The following TMEM242 variants were observed in gnomAD, a reference collection of about 807,000 sequenced individuals.
TMEM242 encodes UPF0463 transmembrane protein C6orf35.
Under a neutral mutation model 18.2 loss-of-function variants are expected in TMEM242, and 10 were observed. That is an observed-to-expected ratio of 0.55 (90% CI 0.34 to 0.93). TMEM242 has a LOEUF of 0.93. Ranked by LOEUF, TMEM242 falls within the 40% of genes least tolerant of loss-of-function variation. TMEM242 has a pLI of 0.02. For synonymous variants in TMEM242, 57 were observed against 69.9 expected (o/e 0.81, Z 0.92); for missense variants, 186 against 175.5 (o/e 1.06, Z -0.34).
chr6:157,296,670 G>A (rs1295170942), intron 3 of TMEM242, among the ~76,000 whole-genome samples: 1 of 152,174 alleles, frequency 6.6e-6, no homozygotes, highest in African/African-American at 2.4e-5. Flanking sequence ...GCCACAGAGT[G>A]AGACTCCATC....
chr6:157,292,800 C>A lies in TMEM242; in HGVS notation c.*101G>T, dbSNP rs1777701090. On this transcript the variant is annotated 3_prime_UTR_variant, in exon 4 of 4. Transcript: ENST00000400788. ...GCACTGGTTCAGTCAGCAATCTGCC[C>A]ATGTTCCTGGGAGAAATCAGTCCCA... 4 of 919,756 alleles carry A rather than the reference C, an allele frequency of 4.3e-6. No individual in the cohort carries two copies. The highest frequency in any genetic ancestry group is 5.2e-6 in the Non-Finnish European group (3 of 575,592). 57.0% of individuals were successfully genotyped at this position (919,756 alleles called of 1,614,324 possible).
At chr6:157,322,645 A>T in intron 2 of TMEM242, 60 bp downstream of exon 2, 1 of 1,437,888 alleles carries the variant, frequency 7.0e-7, no homozygotes, top group South Asian at 1.3e-5. Flanking sequence ...TTTTCTACGC[A>T]AAAGCTGCCA....
At chr6:157,306,095 G>A (rs1777914512) in intron 3 of TMEM242, among the ~76,000 whole-genome samples, 1 of 152,218 alleles carries the variant, frequency 6.6e-6, no homozygotes, top group African/African-American at 2.4e-5. Flanking sequence ...TGAGGATAAC[G>A]ATGGGAGCAA....
chr6:157,322,895 T>A, intron 1 of TMEM242, 90 bp from the exon 2 acceptor site: 1 of 1,056,360 alleles, frequency 9.5e-7, no homozygotes, highest in Non-Finnish European at 1.4e-6. Context: ...TTTAAGATAC[T>A]ATTCGAGTTA....
chr6:157,320,138 A>G (rs1554250629), intron 2 of TMEM242, among the ~76,000 whole-genome samples: 1 of 152,162 alleles, frequency 6.6e-6, no homozygotes, highest in Non-Finnish European at 1.5e-5. Flanking sequence ...TCTACAAACA[A>G]TTTTACCTCT....
Position 157,291,626 on chromosome 6 carries a change from A to T in TMEM242, c.*1275T>A, listed in dbSNP as rs1230172521. The T allele has an allele frequency of 6.6e-6, 1 of 152,244 alleles. No individual in the cohort carries two copies. The highest frequency in any genetic ancestry group is 1.5e-5 in the Non-Finnish European group (1 of 68,050). 9.4% of individuals were successfully genotyped at this position (152,244 alleles called of 1,614,324 possible). A position where few individuals can be genotyped will look rare whatever the true frequency, so the allele number is the denominator to read the frequency against. On this transcript the variant is annotated 3_prime_UTR_variant, in exon 4 of 4. Transcript: ENST00000400788. ...CAGTCTTGGATTTTTAACAGATTAC[A>T]TATGAATTCCAGATGCTGATTACAC...
chr6:157,317,639 A>T (rs1165259587), intron 3 of TMEM242, among the ~76,000 whole-genome samples: 3 of 152,136 alleles, frequency 2.0e-5, no homozygotes, highest in African/African-American at 7.2e-5. Flanking sequence ...CTCAACTTCT[A>T]TATCTAACTG....
chr6:157,305,750 A>C lies in TMEM242; in HGVS notation c.328-12751T>G, dbSNP rs1379869526. On this transcript the variant is annotated intron_variant, in intron 3 of 3. Transcript: ENST00000400788. This position sits in a 1 kb window ranked among gnomAD's most constrained non-coding sequence, Gnocchi z 4.1. ...CAGAAGCCACAGTGTTTCAGGATGGAGGGGGGGCTCCATTGTGCCCAAATG... is the reference window on the plus strand; with the variant it reads ...CAGAAGCCACAGTGTTTCAGGATGGCGGGGGGGCTCCATTGTGCCCAAATG... Among the ~76,000 whole-genome samples the C allele has an allele frequency of 9.2e-6, 1 of 108,820 alleles. No individual in the cohort carries two copies. The allele number at this position is 108,820 out of a possible 152,430, so 71.4% of individuals were successfully genotyped here.
At chr6:157,323,301 C>CA in intron 1 of TMEM242, 111 bp downstream of exon 1, 1 of 1,231,286 alleles carries the variant, frequency 8.1e-7, no homozygotes, top group South Asian at 1.4e-5. Flanking sequence ...GGGGCAAGCA[C>CA]AAGCTAAGGG....
At chr6:157,308,127 GATC>G (rs1471760207) in intron 3 of TMEM242, among the ~76,000 whole-genome samples, 2 of 152,176 alleles carry the variant, frequency 1.3e-5, no homozygotes, top group Non-Finnish European at 1.5e-5. Flanking sequence ...CCTCCTTAGA[GATC>G]ATCAAAGTTA....
chr6:157,322,707 T>C lies in TMEM242; in HGVS notation c.187A>G (p.Lys63Glu). Residue 63 changes from lysine (K) to glutamate (E), a missense_variant and splice_region_variant, in exon 2 of 4, where the codon AAG becomes GAG. Physicochemically the swap from Lys to Glu is moderately conservative, Grantham distance 56. Coordinates refer to ENST00000400788, the MANE Select transcript of TMEM242 (RefSeq NM_018452.6). Reference sequence around the variant, plus strand: ...GAATGGATTTCAGTGTCACCAACCTTATTGAACCATTCAGGGCTTTTCTTT... The same window carrying C: ...GAATGGATTTCAGTGTCACCAACCTCATTGAACCATTCAGGGCTTTTCTTT... Reference protein sequence around the residue: ...AKKKSPEWFNKGSMATAALPE... With the variant: ...AKKKSPEWFNEGSMATAALPE... 1.2e-6 allele frequency: 2 copies of C among 1,612,046 alleles called. No homozygotes were observed. The highest frequency in any genetic ancestry group is 1.7e-6 in the Non-Finnish European group (2 of 1,179,110).
chr6:157,321,663 T>C (rs1554250753), intron 2 of TMEM242, among the ~76,000 whole-genome samples: 1 of 152,192 alleles, frequency 6.6e-6, no homozygotes, highest in African/African-American at 2.4e-5. Context: ...TCTGTGATGA[T>C]CAAATCTCAG....
At chr6:157,293,674 T>C (rs587716075) in intron 3 of TMEM242, among the ~76,000 whole-genome samples, 1 of 152,210 alleles carries the variant, frequency 6.6e-6, no homozygotes, top group South Asian at 2.1e-4. Context: ...TTTGTTTTTG[T>C]TTTTTTAAAT....
In TMEM242 at chr6:157,322,770, T is replaced by C; in HGVS notation, c.124A>G (p.Met42Val). The C allele has an allele frequency of 6.2e-7, 1 of 1,613,888 alleles. No homozygotes were observed. Among genetic ancestry groups the C allele is most frequent in the Non-Finnish European group, 8.5e-7 (1 of 1,179,920 alleles). The change falls in exon 2 of 4, where the codon ATG becomes GTG. Residue 42 changes from methionine to valine, a missense_variant. Physicochemically the swap from Met to Val is conservative, Grantham distance 21. Coordinates refer to ENST00000400788, the MANE Select transcript of TMEM242 (RefSeq NM_018452.6). ...AATGTTGTAATAAATCCAGCTAGCA[T>C]TCCCGCTGCAGCAACGGTACCAAGG... ...IFLGTVAAAG[M>V]LAGFITTLSL...
chr6:157,294,743 C>G (rs1554247108), intron 3 of TMEM242, among the ~76,000 whole-genome samples: 1 of 152,112 alleles, frequency 6.6e-6, no homozygotes, highest in East Asian at 1.9e-4. Flanking sequence ...GAATCTTTAC[C>G]TTGTTTCCAG....
intron 3 of TMEM242, among the ~76,000 whole-genome samples, chr6:157,294,296 T>C (rs1413161685): frequency 6.6e-6 from 1 of 152,080 alleles, no homozygotes; most frequent in African/African-American, 2.4e-5. Context: ...GAGATAGCCT[T>C]GATCAGGTTT....
At chr6:157,295,487 T>C (rs186557488) in intron 3 of TMEM242, among the ~76,000 whole-genome samples, 4 of 152,202 alleles carry the variant, frequency 2.6e-5, no homozygotes, top group Admixed American at 2.6e-4. Flanking sequence ...GGATGTCAGA[T>C]AGCCAAGACA....
chr6:157,300,249 C>CCTGGCCCTCTACTGCGGCTG, intron 3 of TMEM242: 1 of 364,710 alleles, frequency 2.7e-6, no homozygotes, highest in Non-Finnish European at 5.1e-6. Context: ...AGACACGCCC[C>CCTGGCCCTCTACTGCGGCTG]CTGGCCCTCT....
At chr6:157,318,725 G>C (rs1778446686) in intron 3 of TMEM242, 57 bp downstream of exon 3, 1 of 1,598,426 alleles carries the variant, frequency 6.3e-7, no homozygotes, top group South Asian at 1.1e-5. Context: ...GAAAAATTTA[G>C]AACACAGTAA....
Sources: gnomAD v4.1 joint callset for allele counts (sites outside exome capture counted in the v4.1 genomes callset) on GRCh38, gnomAD v4.1.1 for gene constraint, Gnocchi (gnomAD v3.1) non-coding constraint, MANE v1.5 for transcripts, NCBI Gene and HGNC (gene_info 2026-07-23, HGNC 2026-07-21) for gene names.